ZBTB44: variants seen among roughly 807,000 people sequenced by gnomAD.
The protein encoded by ZBTB44 is zinc finger and BTB domain-containing protein 44.
In ZBTB44, 15 loss-of-function variants were observed where a neutral mutation model predicts 54.0. That is an observed-to-expected ratio of 0.28 (90% CI 0.19 to 0.43). ZBTB44 has a LOEUF of 0.43. Among genes scored for constraint, ZBTB44 ranks in the 20% least tolerant of loss-of-function variants. ZBTB44 has a pLI of 1.00. For missense variants in ZBTB44, 487 were observed against 707.1 expected (o/e 0.69, Z 3.53); for synonymous variants, 230 against 250.1 (o/e 0.92, Z 0.76).
At chr11:130,292,023 A>G (rs934984360) in intron 1 of ZBTB44, among the ~76,000 whole-genome samples, 6 of 152,208 alleles carry the variant, frequency 3.9e-5, no homozygotes, top group Non-Finnish European at 5.9e-5. Context: ...ATTATATAGT[A>G]TGTACTCTTT....
chr11:130,283,461 CAAAAG>C (rs1282883142), intron 1 of ZBTB44, among the ~76,000 whole-genome samples: 1 of 152,104 alleles, frequency 6.6e-6, no homozygotes, highest in Admixed American at 6.5e-5. Flanking sequence ...TTACAAAACT[CAAAAG>C]AACTGCAGGG....
intron 2 of ZBTB44, among the ~76,000 whole-genome samples, chr11:130,252,564 G>GT (rs1421744363): frequency 3.3e-5 from 5 of 152,064 alleles, no homozygotes; most frequent in Non-Finnish European, 7.4e-5. Flanking sequence ...AACGGAAATC[G>GT]TAACAAACAG....
chr11:130,293,806 A>G (rs1941460276), intron 1 of ZBTB44, among the ~76,000 whole-genome samples: 1 of 152,122 alleles, frequency 6.6e-6, no homozygotes, highest in Non-Finnish European at 1.5e-5. Context: ...CAAAACAAAC[A>G]AACAAACAAA....
intron 1 of ZBTB44, chr11:130,296,260 ATG>A: frequency 6.9e-7 from 1 of 1,442,570 alleles, no homozygotes; most frequent in Non-Finnish European, 9.5e-7. Context: ...GAGCAGGGAT[ATG>A]TTGTTTGTCC....
intron 1 of ZBTB44, among the ~76,000 whole-genome samples, chr11:130,277,861 T>C (rs1309974221): frequency 3.9e-5 from 6 of 152,172 alleles, no homozygotes; most frequent in Non-Finnish European, 7.4e-5. Flanking sequence ...TTAAAAAAGA[T>C]AGCATTGTTG....
At chr11:130,236,683 T>A (rs1954124158) in intron 5 of ZBTB44, 110 bp downstream of exon 5, 1 of 1,161,872 alleles carries the variant, frequency 8.6e-7, no homozygotes, top group African/African-American at 1.6e-5. Context: ...GTAACAAATG[T>A]GACTGACTAG....
intron 1 of ZBTB44, among the ~76,000 whole-genome samples, chr11:130,306,859 T>C (rs149143565): frequency 2.7e-3 from 417 of 152,044 alleles, no homozygotes; most frequent in African/African-American, 9.1e-3. Flanking sequence ...CAAAAGCATA[T>C]GAAGGATATA....
At chr11:130,298,479 T>A (rs1288137328) in intron 1 of ZBTB44, among the ~76,000 whole-genome samples, 2 of 139,774 alleles carry the variant, frequency 1.4e-5, no homozygotes, top group Non-Finnish European at 3.0e-5. Context: ...TTTTTTTTTT[T>A]AAAGACTGAG....
chr11:130,232,911 G>A (rs184312794), intron 7 of ZBTB44: 1 of 158,642 alleles, frequency 6.3e-6, no homozygotes, highest in African/African-American at 2.4e-5. Flanking sequence ...GCTGAGGCAG[G>A]AGAATGGCCT....
intron 2 of ZBTB44, among the ~76,000 whole-genome samples, chr11:130,246,678 C>G (rs1954661759): frequency 6.6e-6 from 1 of 152,184 alleles, no homozygotes; most frequent in Admixed American, 6.5e-5. Context: ...TACCATGTGC[C>G]AGGCATTGTT....
At chr11:130,281,733 T>A (rs1015694769) in intron 1 of ZBTB44, among the ~76,000 whole-genome samples, 1 of 151,964 alleles carries the variant, frequency 6.6e-6, no homozygotes, top group African/African-American at 2.4e-5. Flanking sequence ...TAGCTGGGAC[T>A]ACAGGCTCCC....
chr11:130,303,262 T>C (rs17139307), intron 1 of ZBTB44, among the ~76,000 whole-genome samples: 6,275 of 152,292 alleles, frequency 0.041, 321 homozygotes, highest in African/African-American at 0.12. Flanking sequence ...AGTTACACGT[T>C]GCCAAGATGT....
chr11:130,251,833 C>A (rs1938031128), intron 2 of ZBTB44, among the ~76,000 whole-genome samples: 1 of 152,130 alleles, frequency 6.6e-6, no homozygotes, highest in Non-Finnish European at 1.5e-5. Context: ...AATACAAAGA[C>A]CAATGACATT....
chr11:130,241,919 T>C (rs1022809552), intron 2 of ZBTB44, among the ~76,000 whole-genome samples: 3 of 152,328 alleles, frequency 2.0e-5, no homozygotes, highest in East Asian at 3.9e-4. Flanking sequence ...TATAAATACA[T>C]AGGTCTGTTT....
At chr11:130,267,230 C>T (rs1232389395) in intron 1 of ZBTB44, among the ~76,000 whole-genome samples, 1 of 152,078 alleles carries the variant, frequency 6.6e-6, no homozygotes, top group Non-Finnish European at 1.5e-5. Flanking sequence ...AGCCACTGTA[C>T]ATCAACCTGG....
intron 5 of ZBTB44, chr11:130,236,248 T>C: frequency 1.6e-6 from 2 of 1,277,530 alleles, no homozygotes; most frequent in African/African-American, 1.5e-5. Context: ...CTATTATAAA[T>C]TAATATTACA....
intron 2 of ZBTB44, among the ~76,000 whole-genome samples, chr11:130,245,559 C>T (rs894961277): frequency 1.3e-5 from 2 of 152,294 alleles, no homozygotes; most frequent in East Asian, 1.9e-4. Context: ...TGCCCCAAAA[C>T]GCCTGGAGTT....
chr11:130,232,473 A>AT (rs1953911527), intron 7 of ZBTB44: 1 of 152,182 alleles, frequency 6.6e-6, no homozygotes. Context: ...AAAGTTTCAT[A>AT]TTTTTAGCAG....
rs1054377635 is a variant in ZBTB44 at position 130,227,829 on chromosome 11, A to G, written c.*3935T>C. ...CTTTAACCAAACAACAGTTTCTTCT[A>G]TCACTTAATTCTGGTCTTATTACCT... On this transcript the variant is annotated 3_prime_UTR_variant, in exon 8 of 8. Transcript: ENST00000357899. 1.3e-5 allele frequency: 2 copies of G among 152,288 alleles called. No individual in the cohort carries two copies. The highest frequency in any genetic ancestry group is 2.4e-5 in the African/African-American group (1 of 41,560). The allele number at this position is 152,288 out of a possible 1,614,324, so 9.4% of individuals were successfully genotyped here. A position where few individuals can be genotyped will look rare whatever the true frequency, so the allele number is the denominator to read the frequency against.
Sources: allele counts gnomAD v4.1 joint callset (sites outside exome capture counted in the v4.1 genomes callset), GRCh38; gene constraint gnomAD v4.1.1; transcripts MANE v1.5; gene names NCBI Gene and HGNC (gene_info 2026-07-23, HGNC 2026-07-21).